Variants in NCOR2 observed in about 807,000 individuals in gnomAD.
NCOR2 encodes the protein nuclear receptor corepressor 2.
Under a neutral mutation model 262.9 loss-of-function variants are expected in NCOR2, and 81 were observed. The observed-to-expected ratio is 0.31, with a 90% CI of 0.26 to 0.37. NCOR2 has a LOEUF of 0.37. NCOR2 is among the 10% of genes least tolerant of loss of function. The pLI, the probability that NCOR2 is intolerant of heterozygous loss-of-function variation, is 1.00. For synonymous variants in NCOR2, 1,659 were observed against 1,559.3 expected, an observed-to-expected ratio of 1.06 and a Z score of -1.51; for missense variants, 3,385 against 3,621.4, an observed-to-expected ratio of 0.93 and a Z score of 1.68.
chr12:124,333,897 C>CGGGTGCGCATGTGTGTGTGTGT (rs1392235914), intron 41 of NCOR2, among the ~76,000 whole-genome samples: 1 of 123,618 alleles, frequency 8.1e-6, no homozygotes, highest in Admixed American at 8.3e-5. Context: ...TGTGTGTGTG[C>CGGGTGCGCATGTGTGTGTGTGT]GCGCGCATGT....
rs181340852 is a variant in NCOR2, at chr12:124,472,967, C to G, written c.576G>C (p.Lys192Asn). ...CCATTCACACCTGCTTCTTCTTCAG[C>G]TTAGAGATCTGCTGCTCTACCATGG... The change falls in exon 4 of 47, where the codon AAG (lysine) becomes AAC (asparagine). Residue 192 changes from lysine (K) to asparagine (N), a missense_variant. Lys to Asn is a moderately conservative substitution (Grantham distance 94, BLOSUM62 0). This residue lies in a region of NCOR2 where 515 missense variants were observed against 781.2 expected (regional missense o/e 0.66). Transcript: ENST00000405201. 3.7e-6 allele frequency: 6 copies of G among 1,614,192 alleles called. No homozygotes were observed. The Admixed American group carries it at 8.3e-5, about 22-fold the overall frequency.
At chr12:124,495,255 G>T (rs1263249719), upstream of NCOR2, 4 of 1,610,676 alleles carry the variant, frequency 2.5e-6, no homozygotes, top group Admixed American at 6.7e-5. This position sits in a 1 kb window ranked among gnomAD's most constrained non-coding sequence, Gnocchi z 4.4. Flanking sequence ...CCGACATGGT[G>T]GTGGGGGTCG....
intron 45 of NCOR2, among the ~76,000 whole-genome samples, chr12:124,326,929 G>A (rs1280269113): frequency 1.3e-5 from 2 of 152,178 alleles, no homozygotes; most frequent in African/African-American, 4.8e-5. Context: ...GACTCCCAGG[G>A]CTGAGACAGA....
chr12:124,347,399 T>A (rs915546798), intron 30 of NCOR2: 1 of 178,778 alleles, frequency 5.6e-6, no homozygotes, highest in Non-Finnish European at 1.2e-5. Flanking sequence ...AATAAAAAAA[T>A]AAAAAATAAA....
chr12:124,532,263 A>AC (rs993958190), intron 1 of NCOR2, among the ~76,000 whole-genome samples: 11 of 149,418 alleles, frequency 7.4e-5, no homozygotes, highest in Non-Finnish European at 3.0e-5. Flanking sequence ...AAAAGGCTGC[A>AC]CCCCCCACCC....
At position 124,443,191 on chromosome 12, in the gene NCOR2, C is replaced by T. The variant is rs1032244358; in HGVS notation, c.816-5195G>A. Among the ~76,000 whole-genome samples, 2 of 152,162 alleles carry T rather than the reference C, an allele frequency of 1.3e-5. No homozygotes were observed. The highest frequency in any genetic ancestry group is 2.9e-5 in the Non-Finnish European group (2 of 68,034). On this transcript the variant is annotated intron_variant, in intron 7 of 46. Transcript: ENST00000405201. The surrounding 1 kb of genome is among the most constrained non-coding windows in gnomAD (Gnocchi z 4.4). ...CCGGCGTGTGATCTTCCACAAACCGCGGTGCTGTCACTGCAGCTGGAAAAC... is the reference window on the plus strand; with the variant it reads ...CCGGCGTGTGATCTTCCACAAACCGTGGTGCTGTCACTGCAGCTGGAAAAC...
chr12:124,400,518 T>C, exon 15 of NCOR2: 1 of 1,613,966 alleles, frequency 6.2e-7, no homozygotes, highest in African/African-American at 1.3e-5. Context: ...GGCGCTCTGC[T>C]GGGGGGTGAT....
At chr12:124,516,061 C>A (rs1483948608) in intron 1 of NCOR2, among the ~76,000 whole-genome samples, 1 of 152,044 alleles carries the variant, frequency 6.6e-6, no homozygotes, top group South Asian at 2.1e-4. Context: ...TGGATGAGAA[C>A]CCCCCCGCCT....
exon 34 of NCOR2, chr12:124,342,030 A>G (rs1219398293): frequency 6.2e-7 from 1 of 1,612,236 alleles, no homozygotes; most frequent in Non-Finnish European, 8.5e-7. Flanking sequence ...AGGTGCGGGT[A>G]GGTGGGGTTG....
At chr12:124,363,379 G>A (rs564424490) in intron 21 of NCOR2, among the ~76,000 whole-genome samples, 1 of 152,360 alleles carries the variant, frequency 6.6e-6, no homozygotes, top group East Asian at 1.9e-4. Context: ...AGCTGAGTGG[G>A]TGGGGGAAGC....
At chr12:124,441,850 G>T (rs2044830027) in intron 7 of NCOR2, among the ~76,000 whole-genome samples, 2 of 152,148 alleles carry the variant, frequency 1.3e-5, no homozygotes, top group Non-Finnish European at 2.9e-5. Context: ...CCTCTCTCTG[G>T]TCTTCCCCAA....
intron 9 of NCOR2, among the ~76,000 whole-genome samples, chr12:124,430,362 G>A (rs2043844793): frequency 6.6e-6 from 1 of 152,196 alleles, no homozygotes; most frequent in South Asian, 2.1e-4. Context: ...CCCCAGAAAT[G>A]AGTGAAGCTG....
At chr12:124,427,890 C>T (rs1305287450) in intron 10 of NCOR2, among the ~76,000 whole-genome samples, 1 of 152,114 alleles carries the variant, frequency 6.6e-6, no homozygotes, top group Non-Finnish European at 1.5e-5. Flanking sequence ...TGTCCTCCGG[C>T]CCAGCCCCCT....
chr12:124,379,774 C>G (rs1404969781), intron 17 of NCOR2, among the ~76,000 whole-genome samples: 1 of 152,236 alleles, frequency 6.6e-6, no homozygotes, highest in Non-Finnish European at 1.5e-5. Flanking sequence ...TGATGCCACA[C>G]TGGAGTGGGG....
At chr12:124,333,378 T>C in intron 41 of NCOR2, 99 bp from the exon 44 acceptor site, 1 of 1,146,470 alleles carries the variant, frequency 8.7e-7, no homozygotes, top group Non-Finnish European at 1.1e-6. Flanking sequence ...GCTTTTCCTG[T>C]ACGTGGCCAA....
In NCOR2 at chr12:124,454,115, G is replaced by A. The variant is rs1257247790; in HGVS notation, c.762+2991C>T. Among the ~76,000 whole-genome samples the A allele has an allele frequency of 2.0e-5, 3 of 152,120 alleles. No individual in the cohort carries two copies. The highest frequency in any genetic ancestry group is 4.1e-4 in the South Asian group (2 of 4,832). On this transcript the variant is annotated intron_variant, in intron 6 of 46. Coordinates refer to ENST00000405201, the Ensembl canonical transcript of NCOR2. The surrounding 1 kb of genome is among the most constrained non-coding windows in gnomAD (Gnocchi z 5.6). Reference sequence around the variant, plus strand: ...GCTTGGAGGATGCCTGTGGCCACTCGGGCCTGGCAGATCTGTGCAGAACTG... The same window carrying A: ...GCTTGGAGGATGCCTGTGGCCACTCAGGCCTGGCAGATCTGTGCAGAACTG...
chr12:124,450,788 A>G (rs141402903), intron 6 of NCOR2, among the ~76,000 whole-genome samples: 1 of 152,354 alleles, frequency 6.6e-6, no homozygotes, highest in Non-Finnish European at 1.5e-5. Flanking sequence ...GCCTAGGTTC[A>G]AGTCCCGGTT....
At chr12:124,557,157 T>A (rs994437560) in intron 1 of NCOR2, among the ~76,000 whole-genome samples, 1 of 152,204 alleles carries the variant, frequency 6.6e-6, no homozygotes, top group Non-Finnish European at 1.5e-5. Context: ...GGCCTCCCCC[T>A]GGCTGCCACG....
intron 7 of NCOR2, among the ~76,000 whole-genome samples, chr12:124,448,539 C>T (rs965723564): frequency 6.6e-6 from 1 of 152,166 alleles, no homozygotes; most frequent in Non-Finnish European, 1.5e-5. Context: ...AGGATGACCC[C>T]CCCGCCAGCC....
Sources: allele counts gnomAD v4.1 joint callset (sites outside exome capture counted in the v4.1 genomes callset), GRCh38; gene constraint gnomAD v4.1.1; regional missense constraint gnomAD v4.1.1; non-coding constraint Gnocchi (gnomAD v3.1); transcripts MANE v1.5; gene names NCBI Gene and HGNC (gene_info 2026-07-23, HGNC 2026-07-21).